The following CACNB4 variants were observed in gnomAD, a reference collection of about 807,000 sequenced individuals.
The protein encoded by CACNB4 is voltage-dependent L-type calcium channel subunit beta-4.
A neutral mutation model predicts 71.2 loss-of-function variants in CACNB4; 32 were observed. The ratio of observed to expected loss-of-function variants is 0.45; its 90% CI spans 0.34 to 0.60. The LOEUF (loss-of-function observed/expected upper bound fraction) is 0.60. Among genes scored for constraint, CACNB4 ranks in the 20% least tolerant of loss-of-function variants. The pLI, the probability that CACNB4 is intolerant of heterozygous loss-of-function variation, is 0.01. For missense variants in CACNB4, 464 were observed against 647.9 expected (o/e 0.72, Z 3.08); for synonymous variants, 231 against 236.9 (o/e 0.97, Z 0.23).
chr2:152,003,665 CT>C (rs1682554877), intron 2 of CACNB4, among the ~76,000 whole-genome samples: 1 of 152,138 alleles, frequency 6.6e-6, no homozygotes, highest in Non-Finnish European at 1.5e-5. Flanking sequence ...AGAAACCTCT[CT>C]TCGTTTTCCA....
intron 2 of CACNB4, among the ~76,000 whole-genome samples, chr2:151,955,003 G>T (rs1051479565): frequency 2.6e-5 from 4 of 151,772 alleles, no homozygotes; most frequent in Admixed American, 2.6e-4. Flanking sequence ...ACAGGCACCC[G>T]CCACGATGCC....
intron 2 of CACNB4, among the ~76,000 whole-genome samples, chr2:152,028,617 T>A (rs1364059156): frequency 6.6e-6 from 1 of 152,236 alleles, no homozygotes; most frequent in Non-Finnish European, 1.5e-5. Context: ...TATTTTAATT[T>A]GTTTTCCTTG....
rs1190989427 is a variant in CACNB4 at position 152,098,431 on chromosome 2, G to A, written c.64-18C>T. On this transcript the variant is annotated intron_variant, in intron 1 of 13. Transcript: ENST00000539935. The surrounding 1 kb of genome is among the most constrained non-coding windows in gnomAD (Gnocchi z 5.3). ...CGGGCCACCTGGACTCGACACACGG[G>A]GGCCAGAGAGAAGCCGGTGAGGACC... 6.2e-7 allele frequency: 1 copy of A among 1,603,234 alleles called. No homozygotes were observed. The highest frequency in any genetic ancestry group is 8.5e-7 in the Non-Finnish European group (1 of 1,170,420).
intron 12 of CACNB4, among the ~76,000 whole-genome samples, chr2:151,847,635 C>G (rs995649248): frequency 2.0e-5 from 3 of 151,978 alleles, no homozygotes; most frequent in Non-Finnish European, 4.4e-5. Context: ...CACCTGTAAT[C>G]CCAGCACTTT....
chr2:151,871,084 T>C lies in CACNB4; in HGVS notation c.599-223A>G, dbSNP rs528587265. The C allele has an allele frequency of 5.5e-5, 31 of 562,468 alleles. 1 individual carries two copies. The East Asian group carries it at 8.9e-4, about 16-fold the overall frequency. The allele number at this position is 562,468 out of a possible 1,614,324, so 34.8% of individuals were successfully genotyped here. ...TTCCTCCCTGGTACAAATGACCTTA[T>C]ATCCTGATTTCTCACTGGGTGGGAA... On this transcript the variant is annotated intron_variant, in intron 6 of 13. Transcript: ENST00000539935.
At position 151,833,929 on chromosome 2, in the gene CACNB4, A is replaced by G. The variant is rs915801881; in HGVS notation, c.*5190T>C. On this transcript the variant is annotated 3_prime_UTR_variant, in exon 14 of 14. Coordinates refer to ENST00000539935, the MANE Select transcript of CACNB4 (RefSeq NM_000726.5). Reference sequence around the variant, plus strand: ...TTGGCAATAAAATGCTTTCATTTTAATAACATCCCAGAAAATATTGTAAGG... The same window carrying G: ...TTGGCAATAAAATGCTTTCATTTTAGTAACATCCCAGAAAATATTGTAAGG... 2.6e-5 allele frequency: 4 copies of G among 152,118 alleles called. No individual in the cohort carries two copies. Among genetic ancestry groups the G allele is most frequent in the African/African-American group, 9.7e-5 (4 of 41,442 alleles). The allele number at this position is 152,118 out of a possible 1,614,324, so 9.4% of individuals were successfully genotyped here. A position where few individuals can be genotyped will look rare whatever the true frequency, so the allele number is the denominator to read the frequency against.
intron 2 of CACNB4, among the ~76,000 whole-genome samples, chr2:151,976,297 A>G (rs2099873788): frequency 6.6e-6 from 1 of 152,218 alleles, no homozygotes; most frequent in Non-Finnish European, 1.5e-5. Context: ...CTGGCCTTTT[A>G]GTGCCTACAA....
intron 10 of CACNB4, chr2:151,859,710 T>C (rs1347598882): frequency 6.6e-6 from 1 of 152,238 alleles, no homozygotes; most frequent in African/African-American, 2.4e-5. Context: ...CTATTTGGTA[T>C]GTTTAGTAAT....
At chr2:151,977,205 T>C (rs79047854) in intron 2 of CACNB4, among the ~76,000 whole-genome samples, 2,691 of 152,294 alleles carry the variant, frequency 0.018, 39 homozygotes, top group South Asian at 0.033. Flanking sequence ...CCCTGTTAAA[T>C]GTGTTTCTGA....
chr2:152,088,665 G>T (rs1687804781), intron 2 of CACNB4, among the ~76,000 whole-genome samples: 1 of 152,222 alleles, frequency 6.6e-6, no homozygotes, highest in Non-Finnish European at 1.5e-5. Flanking sequence ...ACAGTGAGAT[G>T]ATCAGAAAAA....
chr2:152,044,871 A>T (rs1685070807), intron 2 of CACNB4, among the ~76,000 whole-genome samples: 1 of 152,114 alleles, frequency 6.6e-6, no homozygotes, highest in African/African-American at 2.4e-5. Context: ...ATTCTTCAAA[A>T]TTTCCAGAGC....
intron 2 of CACNB4, among the ~76,000 whole-genome samples, chr2:151,941,470 C>G (rs1014017093): frequency 6.6e-6 from 1 of 151,642 alleles, no homozygotes; most frequent in Non-Finnish European, 1.5e-5. Context: ...TTAGTAGAGA[C>G]AGGGTTTCAC....
chr2:152,031,957 T>A (rs1156824016), intron 2 of CACNB4, among the ~76,000 whole-genome samples: 4 of 152,162 alleles, frequency 2.6e-5, no homozygotes, highest in Non-Finnish European at 4.4e-5. Context: ...GCCCGTGGCT[T>A]GCTTGAACGA....
At chr2:152,079,724 C>T (rs920228668) in intron 2 of CACNB4, among the ~76,000 whole-genome samples, 2 of 152,004 alleles carry the variant, frequency 1.3e-5, no homozygotes, top group African/African-American at 2.4e-5. Context: ...AGGTTAAGGC[C>T]GCAATGGGCG....
chr2:151,962,465 C>T (rs1454636432), intron 2 of CACNB4, among the ~76,000 whole-genome samples: 1 of 152,124 alleles, frequency 6.6e-6, no homozygotes, highest in Non-Finnish European at 1.5e-5. Flanking sequence ...TTCCTTTTAC[C>T]TTTTAAAAAA....
chr2:151,859,212 T>C (rs1250611968), intron 10 of CACNB4: 1 of 152,236 alleles, frequency 6.6e-6, no homozygotes, highest in Non-Finnish European at 1.5e-5. Context: ...AGATATACTT[T>C]GTTTCTTCTT....
At chr2:152,045,500 G>A (rs1474406754) in intron 2 of CACNB4, among the ~76,000 whole-genome samples, 1 of 152,156 alleles carries the variant, frequency 6.6e-6, no homozygotes, top group Non-Finnish European at 1.5e-5. Context: ...AAGTAGAAGA[G>A]TGGTCACCAG....
chr2:151,951,974 A>G (rs979398862), intron 2 of CACNB4, among the ~76,000 whole-genome samples: 2 of 152,194 alleles, frequency 1.3e-5, no homozygotes, highest in African/African-American at 4.8e-5. Context: ...ATGAACATCA[A>G]TTCTGCCATA....
intron 2 of CACNB4, among the ~76,000 whole-genome samples, chr2:152,091,013 C>T (rs996837443): frequency 2.6e-5 from 4 of 151,108 alleles, no homozygotes; most frequent in Non-Finnish European, 5.9e-5. Flanking sequence ...CACTGCACTC[C>T]AGCCTGAGCA....
Sources: allele counts gnomAD v4.1 joint callset (sites outside exome capture counted in the v4.1 genomes callset), GRCh38; gene constraint gnomAD v4.1.1; non-coding constraint Gnocchi (gnomAD v3.1); transcripts MANE v1.5; gene names NCBI Gene and HGNC (gene_info 2026-07-23, HGNC 2026-07-21).